The following PBRM1 variants were observed in gnomAD, a reference collection of about 807,000 sequenced individuals.
PBRM1 encodes protein polybromo-1.
PBRM1 carries 27 observed loss-of-function variants against 194.5 expected under a neutral mutation model. That is an observed-to-expected ratio of 0.14 (90% CI 0.10 to 0.19). The LOEUF is 0.19. Ranked by LOEUF, PBRM1 falls within the 10% of genes least tolerant of loss-of-function variation. The pLI, the probability that PBRM1 is intolerant of heterozygous loss-of-function variation, is 1.00. For missense variants in PBRM1, 1,466 were observed against 2,077.2 expected (o/e 0.71, Z 5.72); for synonymous variants, 655 against 693.2 (o/e 0.94, Z 0.87).
At chr3:52,589,245 C>A in exon 18 of PBRM1, 1 of 1,526,794 alleles carries the variant, frequency 6.5e-7, no homozygotes, top group East Asian at 2.5e-5. Flanking sequence ...AATCTTCACT[C>A]TTTTCAGCTT....
At chr3:52,682,237 G>T (rs1212399549), upstream of PBRM1, 1 of 151,706 alleles carries the variant, frequency 6.6e-6, no homozygotes, top group African/African-American at 2.4e-5. Flanking sequence ...TGGCAAGCTG[G>T]AACAAACCAA....
At chr3:52,582,534 C>T (rs181700396) in intron 20 of PBRM1, among the ~76,000 whole-genome samples, 1 of 151,314 alleles carries the variant, frequency 6.6e-6, no homozygotes, top group Non-Finnish European at 1.5e-5. Context: ...CTCAGCCTCC[C>T]AAGTAACTGG....
At chr3:52,679,860 GTT>G (rs771655951), upstream of PBRM1, 1,865 of 391,514 alleles carry the variant, frequency 4.8e-3, no homozygotes, top group South Asian at 9.2e-3. Flanking sequence ...CTAGCTATAA[GTT>G]TTTTTTTTTT....
At chr3:52,652,554 G>A (rs921497181) in intron 5 of PBRM1, among the ~76,000 whole-genome samples, 5 of 151,806 alleles carry the variant, frequency 3.3e-5, no homozygotes, top group African/African-American at 1.2e-4. Flanking sequence ...GCTGGGCATG[G>A]TGGCATACAA....
At chr3:52,650,113 T>C (rs2096446799) in intron 6 of PBRM1, among the ~76,000 whole-genome samples, 1 of 151,542 alleles carries the variant, frequency 6.6e-6, no homozygotes, top group Non-Finnish European at 1.5e-5. Flanking sequence ...ATAATCTCTA[T>C]GCACTTTGGG....
At chr3:52,550,397 A>G (rs2080651441) in intron 29 of PBRM1, 24 bp downstream of exon 31, 2 of 1,270,652 alleles carry the variant, frequency 1.6e-6, no homozygotes, top group Non-Finnish European at 2.1e-6. Context: ...TATTTCACAA[A>G]GGCTTATTTA....
chr3:52,670,394 C>T (rs1053090228), intron 2 of PBRM1, among the ~76,000 whole-genome samples: 1 of 152,152 alleles, frequency 6.6e-6, no homozygotes, highest in Admixed American at 6.5e-5. Flanking sequence ...TCCTTATAAT[C>T]CAGAATAAAT....
chr3:52,648,330 A>G lies in PBRM1; in HGVS notation c.813+14T>C. 1 of 1,490,780 alleles carries G rather than the reference A, an allele frequency of 6.7e-7. No individual in the cohort carries two copies. The highest frequency in any genetic ancestry group is 9.2e-7 in the Non-Finnish European group (1 of 1,081,852). 92.3% of individuals were successfully genotyped at this position (1,490,780 alleles called of 1,614,324 possible). A position where few individuals can be genotyped will look rare whatever the true frequency, so the allele number is the denominator to read the frequency against. ...ACCAAGGAAAACAACAACAACAACA[A>G]CAACAAAACTAACCTTGAATACTTG... is the stretch of plus-strand genomic sequence containing the variant. On this transcript the variant is annotated intron_variant, in intron 7 of 29. Coordinates refer to ENST00000296302, the Ensembl canonical transcript of PBRM1.
At position 52,554,854 on chromosome 3, in the gene PBRM1, G is replaced by A; in HGVS notation, c.4479C>T (p.Gly1493=). ...CAACTGGGCCCTGCAAAGGTGGAAG[G>A]CCTGGCGGATAGCCACCCATCATGC... The change falls in exon 27 of 30, where the codon GGC becomes GGT. Residue 1493 remains glycine (G), a synonymous_variant. Coordinates refer to ENST00000296302, the Ensembl canonical transcript of PBRM1. 3 of 1,607,246 alleles carry A rather than the reference G, an allele frequency of 1.9e-6. No individual in the cohort carries two copies. The South Asian group carries it at 3.3e-5, about 18-fold the overall frequency.
exon 26 of PBRM1, chr3:52,558,309 C>T: frequency 6.5e-7 from 1 of 1,549,600 alleles, no homozygotes; most frequent in Non-Finnish European, 8.7e-7. Context: ...GGCACCACCC[C>T]CATGAGAGCC....
intron 17 of PBRM1, among the ~76,000 whole-genome samples, chr3:52,592,464 T>A (rs540090788): frequency 6.6e-6 from 1 of 152,334 alleles, no homozygotes; most frequent in East Asian, 1.9e-4. Flanking sequence ...ATGAATCACA[T>A]TTATTGATTT....
downstream of PBRM1, chr3:52,547,654 G>A: frequency 4.3e-6 from 1 of 234,018 alleles, no homozygotes; most frequent in Non-Finnish European, 8.4e-6. Flanking sequence ...ACTCTTGTGT[G>A]TGTGTGTTTT....
chr3:52,629,729 G>T (rs554080396), intron 11 of PBRM1, among the ~76,000 whole-genome samples: 2 of 152,150 alleles, frequency 1.3e-5, no homozygotes, highest in Admixed American at 6.5e-5. Flanking sequence ...GTACAAAGTA[G>T]AGTCACTATT....
chr3:52,618,242 T>C (rs1165355311), intron 13 of PBRM1, among the ~76,000 whole-genome samples: 1 of 152,202 alleles, frequency 6.6e-6, no homozygotes, highest in Admixed American at 6.5e-5. Context: ...GTTCTCCAAA[T>C]TCCCCCAGTG....
At position 52,655,145 on chromosome 3, in the gene PBRM1, C is replaced by T. The variant is rs190906192; in HGVS notation, c.645+3054G>A. Among the ~76,000 whole-genome samples, 96 of 152,082 alleles carry T rather than the reference C, an allele frequency of 6.3e-4. 5 individuals carry two copies. In the East Asian group the frequency reaches 0.01, roughly 17 times the overall value. On this transcript the variant is annotated intron_variant, in intron 5 of 29. Coordinates refer to ENST00000296302, the Ensembl canonical transcript of PBRM1. ...GTGTACAGTTCTGTGGCATGAGGTACACTCACACTGCTGTGCAACTATCAC... is the reference window on the plus strand; with the variant it reads ...GTGTACAGTTCTGTGGCATGAGGTATACTCACACTGCTGTGCAACTATCAC...
At chr3:52,615,437 A>G (rs138925978) in exon 15 of PBRM1, 36 of 1,600,808 alleles carry the variant, frequency 2.2e-5, no homozygotes, top group Non-Finnish European at 2.7e-5. Context: ...CTTCTCCAGG[A>G]TATGTGCATC....
At position 52,637,773 on chromosome 3, in the gene PBRM1, C is replaced by CAAA. The variant is rs755241328; in HGVS notation, c.1088-2961_1088-2959dup. On this transcript the variant is annotated intron_variant, in intron 10 of 29. Transcript: ENST00000296302. ...CAAAACCATGTCTCTACTAAAAATACAAAAAAAAAAAAAAAAAAAAAAAAT... is the reference window on the plus strand; with the variant it reads ...CAAAACCATGTCTCTACTAAAAATACAAAAAAAAAAAAAAAAAAAAAAAAAAAT... 1.9e-3 allele frequency among the ~76,000 whole-genome samples: 81 copies of CAAA among 42,226 alleles called. 6 individuals are homozygous for CAAA. Among genetic ancestry groups the CAAA allele is most frequent in the Admixed American group, 4.8e-3 (14 of 2,932 alleles). The allele number at this position is 42,226 out of a possible 152,430, so 27.7% of individuals were successfully genotyped here.
intron 24 of PBRM1, among the ~76,000 whole-genome samples, chr3:52,562,950 G>C: frequency 6.6e-6 from 1 of 152,150 alleles, no homozygotes; most frequent in African/African-American, 2.4e-5. Context: ...AAAAGCTAAA[G>C]ACAAACAGGG....
chr3:52,659,937 C>T (rs1253911485), intron 4 of PBRM1, among the ~76,000 whole-genome samples: 1 of 152,116 alleles, frequency 6.6e-6, no homozygotes, highest in East Asian at 1.9e-4. Flanking sequence ...ACTAAAAATA[C>T]AAAAATTAGC....
Sources: allele counts gnomAD v4.1 joint callset (sites outside exome capture counted in the v4.1 genomes callset), GRCh38; gene constraint gnomAD v4.1.1; transcripts MANE v1.5; gene names NCBI Gene and HGNC (gene_info 2026-07-23, HGNC 2026-07-21).